Variants in AK8 observed in about 807,000 individuals in gnomAD.
AK8 encodes adenylate kinase 8, also known as ATP-AMP transphosphorylase 8.
In AK8, 44 loss-of-function variants were observed where a neutral mutation model predicts 54.6. The ratio of observed to expected loss-of-function variants is 0.81; its 90% CI spans 0.63 to 1.04. AK8 has a LOEUF of 1.04. Among genes scored for constraint, AK8 ranks in the 50% least tolerant of loss-of-function variants. The pLI is 0.00. For missense variants in AK8, 555 were observed against 613.6 expected (o/e 0.90, Z 1.01); for synonymous variants, 239 against 245.6 (o/e 0.97, Z 0.25).
intron 11 of AK8, among the ~76,000 whole-genome samples, chr9:132,762,929 C>T (rs552939415): frequency 4.6e-5 from 7 of 152,184 alleles, no homozygotes; most frequent in Non-Finnish European, 7.3e-5. Flanking sequence ...GACTCCACTG[C>T]CCATCCTCCA....
At chr9:132,816,713 A>C (rs1841343828) in intron 9 of AK8, among the ~76,000 whole-genome samples, 1 of 152,222 alleles carries the variant, frequency 6.6e-6, no homozygotes, top group Non-Finnish European at 1.5e-5. Flanking sequence ...GACAACAGAG[A>C]GACAGGTCTG....
At chr9:132,779,509 G>C (rs1283323932) in intron 11 of AK8, among the ~76,000 whole-genome samples, 3 of 152,184 alleles carry the variant, frequency 2.0e-5, no homozygotes, top group Non-Finnish European at 4.4e-5. Flanking sequence ...TGTTATGTGA[G>C]AACAGGCGAG....
chr9:132,869,607 C>T (rs897725494), intron 2 of AK8, among the ~76,000 whole-genome samples: 3 of 152,386 alleles, frequency 2.0e-5, no homozygotes, highest in African/African-American at 7.2e-5. Context: ...CATTCAGCGG[C>T]CCTTTCTCTG....
chr9:132,734,835 G>T (rs1288301016), intron 11 of AK8, among the ~76,000 whole-genome samples: 3 of 152,262 alleles, frequency 2.0e-5, no homozygotes, highest in Admixed American at 6.5e-5. Context: ...TTTGAGACCA[G>T]ACTGGCCAGC....
In AK8 at chr9:132,790,552, C is replaced by T. The variant is rs1421525491; in HGVS notation, c.1121+2082G>A. On this transcript the variant is annotated intron_variant, in intron 11 of 12. Coordinates refer to ENST00000298545, the MANE Select transcript of AK8 (RefSeq NM_152572.3). The surrounding 1 kb of genome is among the most constrained non-coding windows in gnomAD (Gnocchi z 4.1). ...GGCGTGAGCCACTGTGCCCGGCCAA[C>T]TTCTTTAACTTCATACAAATTGTAT... Among the ~76,000 whole-genome samples the T allele has an allele frequency of 6.6e-6, 1 of 152,098 alleles. No homozygotes were observed. Among genetic ancestry groups the T allele is most frequent in the Non-Finnish European group, 1.5e-5 (1 of 68,000 alleles).
rs926771036 is a variant in AK8, at chr9:132,803,820, T to G, written c.979+10818A>C. 6.6e-6 allele frequency among the ~76,000 whole-genome samples: 1 copy of G among 152,122 alleles called. No homozygotes were observed. Among genetic ancestry groups the G allele is most frequent in the Non-Finnish European group, 1.5e-5 (1 of 68,018 alleles). ...TGTCTCCTCTTTGTTCCTTCAAGAC[T>G]AATTCTCTGGGCCGGGCATGGTGGT... On this transcript the variant is annotated intron_variant, in intron 10 of 12. Coordinates refer to ENST00000298545, the MANE Select transcript of AK8 (RefSeq NM_152572.3). The surrounding 1 kb of genome is among the most constrained non-coding windows in gnomAD (Gnocchi z 4.4).
At chr9:132,737,416 CCAGA>C (rs1174358977) in intron 11 of AK8, among the ~76,000 whole-genome samples, 1 of 152,128 alleles carries the variant, frequency 6.6e-6, no homozygotes, top group Non-Finnish European at 1.5e-5. Context: ...ATACCAAAAA[CCAGA>C]CAAAGACATT....
At chr9:132,862,510 G>T (rs2131408290) in intron 4 of AK8, among the ~76,000 whole-genome samples, 1 of 151,920 alleles carries the variant, frequency 6.6e-6, no homozygotes, top group South Asian at 2.1e-4. Context: ...TTGTATTTTG[G>T]TAGAAATAGG....
At chr9:132,775,236 A>C (rs1839160731) in intron 11 of AK8, among the ~76,000 whole-genome samples, 1 of 152,262 alleles carries the variant, frequency 6.6e-6, no homozygotes. Flanking sequence ...AAAAAATGTT[A>C]AGTGGTAAAT....
At chr9:132,735,641 C>T (rs1347440486) in intron 11 of AK8, among the ~76,000 whole-genome samples, 1 of 152,178 alleles carries the variant, frequency 6.6e-6, no homozygotes, top group Non-Finnish European at 1.5e-5. Flanking sequence ...TAGCATGGTG[C>T]ACCTCCTGTG....
At chr9:132,820,701 T>C (rs1030583040) in intron 9 of AK8, among the ~76,000 whole-genome samples, 3 of 152,228 alleles carry the variant, frequency 2.0e-5, no homozygotes, top group Non-Finnish European at 2.9e-5. Context: ...GGTCTTCTGA[T>C]GAACTTTGTG....
chr9:132,836,728 G>C (rs1424115654), intron 5 of AK8, among the ~76,000 whole-genome samples: 1 of 152,224 alleles, frequency 6.6e-6, no homozygotes, highest in Non-Finnish European at 1.5e-5. Context: ...TGAGTTAACA[G>C]CTACTGTGGA....
intron 9 of AK8, among the ~76,000 whole-genome samples, chr9:132,819,422 T>C (rs891474005): frequency 6.6e-6 from 1 of 152,216 alleles, no homozygotes; most frequent in African/African-American, 2.4e-5. Flanking sequence ...CCCCCATGGA[T>C]ACTGAGGTGT....
At chr9:132,807,244 C>T (rs1227466027) in intron 10 of AK8, among the ~76,000 whole-genome samples, 1 of 152,026 alleles carries the variant, frequency 6.6e-6, no homozygotes, top group African/African-American at 2.4e-5. Context: ...GTAACTGGGC[C>T]GACGAGCCAG....
intron 11 of AK8, among the ~76,000 whole-genome samples, chr9:132,774,063 C>A (rs962878987): frequency 3.9e-5 from 6 of 152,120 alleles, no homozygotes; most frequent in Non-Finnish European, 8.8e-5. Flanking sequence ...TCTCCTTCTC[C>A]CCACTCCACC....
At chr9:132,856,902 C>T (rs773086984) in intron 4 of AK8, among the ~76,000 whole-genome samples, 2 of 152,064 alleles carry the variant, frequency 1.3e-5, no homozygotes, top group Non-Finnish European at 1.5e-5. Flanking sequence ...AGGGAGGGGG[C>T]ACCTCTGCTG....
At chr9:132,767,950 G>A (rs1169094694) in intron 11 of AK8, among the ~76,000 whole-genome samples, 1 of 152,178 alleles carries the variant, frequency 6.6e-6, no homozygotes, top group East Asian at 1.9e-4. Flanking sequence ...ACCAGAGGCT[G>A]GGAGGGGCCA....
At chr9:132,844,746 T>C (rs1050359499) in intron 5 of AK8, among the ~76,000 whole-genome samples, 2 of 152,134 alleles carry the variant, frequency 1.3e-5, no homozygotes, top group African/African-American at 2.4e-5. Flanking sequence ...ACTATAAGAC[T>C]AGAAGGGATT....
At chr9:132,854,706 C>T in intron 5 of AK8, 151 bp downstream of exon 5, 1 of 777,416 alleles carries the variant, frequency 1.3e-6, no homozygotes, top group Non-Finnish European at 2.2e-6. Flanking sequence ...AAAGCAAAAT[C>T]CATGTCTGTA....
Sources: allele counts gnomAD v4.1 joint callset (sites outside exome capture counted in the v4.1 genomes callset), GRCh38; gene constraint gnomAD v4.1.1; non-coding constraint Gnocchi (gnomAD v3.1); transcripts MANE v1.5; gene names NCBI Gene and HGNC (gene_info 2026-07-23, HGNC 2026-07-21).